Variants in RXRA observed in about 807,000 individuals in gnomAD.
The protein encoded by RXRA is retinoid X receptor alpha.
Under a neutral mutation model 44.5 loss-of-function variants are expected in RXRA, and 5 were observed. The observed-to-expected ratio is 0.11, with a 90% CI of 0.06 to 0.24. The LOEUF is 0.24. Ranked by LOEUF, RXRA falls within the 10% of genes least tolerant of loss-of-function variation. The probability of loss-of-function intolerance (pLI) is 1.00; values close to 1 mark genes in which losing one functional copy is unlikely to be tolerated. For missense variants in RXRA, 412 were observed against 646.5 expected (o/e 0.64, Z 3.93); for synonymous variants, 291 against 271.4 (o/e 1.07, Z -0.71).
intron 1 of RXRA, among the ~76,000 whole-genome samples, chr9:134,381,615 A>G (rs1419765533): frequency 1.3e-5 from 2 of 152,046 alleles, no homozygotes; most frequent in Non-Finnish European, 2.9e-5. Context: ...CTCCATGGCC[A>G]CAAGGCCCCT....
intron 4 of RXRA, among the ~76,000 whole-genome samples, chr9:134,413,532 A>C (rs750585524): frequency 3.3e-5 from 5 of 151,990 alleles, no homozygotes; most frequent in Non-Finnish European, 5.9e-5. Flanking sequence ...CCCCACCCTT[A>C]AGAGGAGGCC....
chr9:134,376,139 C>T (rs956035542), intron 1 of RXRA, among the ~76,000 whole-genome samples: 11 of 152,196 alleles, frequency 7.2e-5, no homozygotes, highest in Non-Finnish European at 1.3e-4. Flanking sequence ...ACCCTCCCAC[C>T]GGCCCCGCTG....
In RXRA at chr9:134,422,496, C is replaced by A. The variant is rs915253194; in HGVS notation, c.910+691C>A. ...CTGCTACCGGGACACTCCCCCCTCC[C>A]AGGACACTCCCCTCTCCCGGGACAC... is the stretch of plus-strand genomic sequence containing the variant. On this transcript the variant is annotated intron_variant, in intron 6 of 9. Coordinates refer to ENST00000481739, the MANE Select transcript of RXRA (RefSeq NM_002957.6). 5.8e-6 allele frequency: 7 copies of A among 1,214,564 alleles called. No homozygotes were observed. The African/African-American group carries it at 1.1e-4, about 19-fold the overall frequency. 75.2% of individuals were successfully genotyped at this position (1,214,564 alleles called of 1,614,324 possible).
rs1275079555 is a variant in RXRA at position 134,343,083 on chromosome 9, G to A, written c.28+16424G>A. Among the ~76,000 whole-genome samples the A allele has an allele frequency of 6.6e-6, 1 of 152,216 alleles. No individual in the cohort carries two copies. The highest frequency in any genetic ancestry group is 1.5e-5 in the Non-Finnish European group (1 of 68,026). On this transcript the variant is annotated intron_variant, in intron 1 of 9. Coordinates refer to ENST00000481739, the MANE Select transcript of RXRA (RefSeq NM_002957.6). This position sits in a 1 kb window ranked among gnomAD's most constrained non-coding sequence, Gnocchi z 4.1. ...GAGGTGTCTTGGACCCAGAGCATTT[G>A]GCCTTGGGAGGTGGGGAGGGGGTTC... is the stretch of plus-strand genomic sequence containing the variant.
intron 1 of RXRA, among the ~76,000 whole-genome samples, chr9:134,337,339 C>T (rs567436196): frequency 6.6e-6 from 1 of 152,022 alleles, no homozygotes; most frequent in East Asian, 1.9e-4. Context: ...CGTCCATCCA[C>T]ATCCATCAGG....
chr9:134,390,982 G>A (rs1174672155), intron 1 of RXRA, among the ~76,000 whole-genome samples: 1 of 152,186 alleles, frequency 6.6e-6, no homozygotes, highest in Non-Finnish European at 1.5e-5. Context: ...TGGGTGCTGA[G>A]CAGGTGCTCT....
chr9:134,423,093 C>A, intron 6 of RXRA: 3 of 985,442 alleles, frequency 3.0e-6, no homozygotes, highest in Non-Finnish European at 3.6e-6. Context: ...TGGGGCAGGC[C>A]CCCCGCAAAG....
chr9:134,408,446 C>T, intron 3 of RXRA, 147 bp downstream of exon 3: 2 of 803,266 alleles, frequency 2.5e-6, no homozygotes. Context: ...CCATGCCCCA[C>T]TCCCAGGGCT....
chr9:134,431,404 C>T (rs1588309886), intron 7 of RXRA, among the ~76,000 whole-genome samples: 1 of 152,182 alleles, frequency 6.6e-6, no homozygotes, highest in African/African-American at 2.4e-5. Flanking sequence ...CCTCTGGCAG[C>T]CCCCACCCAG....
intron 5 of RXRA, among the ~76,000 whole-genome samples, chr9:134,420,562 C>G (rs979731619): frequency 6.6e-6 from 1 of 152,248 alleles, no homozygotes; most frequent in African/African-American, 2.4e-5. Flanking sequence ...CCCTCAGAGG[C>G]CTTTCCCGCC....
chr9:134,436,300 C>T (rs1831619455), intron 9 of RXRA, among the ~76,000 whole-genome samples, 167 bp from the exon 10 acceptor site: 1 of 152,244 alleles, frequency 6.6e-6, no homozygotes, highest in African/African-American at 2.4e-5. Flanking sequence ...TCCTTCTAGC[C>T]TCCCCTCCTT....
At chr9:134,370,748 TGTGGCGGCGCCG>T (rs1490967676) in intron 1 of RXRA, among the ~76,000 whole-genome samples, 1 of 151,862 alleles carries the variant, frequency 6.6e-6, no homozygotes, top group Non-Finnish European at 1.5e-5. Flanking sequence ...CAGTTCGCTG[TGTGGCGGCGCCG>T]GGTGGGCCTT....
At chr9:134,355,696 G>C (rs1050808267) in intron 1 of RXRA, among the ~76,000 whole-genome samples, 25 of 152,094 alleles carry the variant, frequency 1.6e-4, no homozygotes, top group African/African-American at 5.6e-4. Context: ...CCCGCTGGGT[G>C]GGGGAGGTCC....
At chr9:134,332,902 G>T (rs1483814265) in intron 1 of RXRA, among the ~76,000 whole-genome samples, 1 of 152,120 alleles carries the variant, frequency 6.6e-6, no homozygotes, top group Admixed American at 6.5e-5. Flanking sequence ...GCCTGGGAAG[G>T]GGGGAGGATT....
intron 6 of RXRA, chr9:134,422,120 CGGGACACTCCCCA>C: frequency 7.5e-7 from 1 of 1,327,286 alleles, no homozygotes; most frequent in Non-Finnish European, 9.9e-7. Context: ...TTCTACCTCC[CGGGACACTCCCCA>C]CTCCTGGGAC....
chr9:134,344,295 A>G (rs538889694), intron 1 of RXRA, among the ~76,000 whole-genome samples: 14 of 152,118 alleles, frequency 9.2e-5, no homozygotes, highest in African/African-American at 3.4e-4. Flanking sequence ...AGGAGTGGGT[A>G]GGGGGCTGGC....
At chr9:134,350,364 C>A (rs1830206690) in intron 1 of RXRA, among the ~76,000 whole-genome samples, 1 of 152,182 alleles carries the variant, frequency 6.6e-6, no homozygotes, top group Non-Finnish European at 1.5e-5. Context: ...GCCTCAGTTT[C>A]CTTTTCTGTA....
rs146295223 is a variant in RXRA, at chr9:134,417,195, C to A, written c.648C>A (p.Asn216Lys). Residue 216 changes from asparagine (N) to lysine (K), a missense_variant, in exon 5 of 10, where the codon AAC becomes AAA. Coordinates refer to ENST00000481739, the MANE Select transcript of RXRA (RefSeq NM_002957.6). This position sits in a 1 kb window ranked among gnomAD's most constrained non-coding sequence, Gnocchi z 6.1. ...QEERQRGKDRNENEVESTSSA... is the reference protein window; with the variant it reads ...QEERQRGKDRKENEVESTSSA... Reference sequence around the variant, plus strand: ...AGCGGCAGCGTGGCAAGGACCGGAACGAGAATGAGGTGGAGTCGACCAGCA... The same window carrying A: ...AGCGGCAGCGTGGCAAGGACCGGAAAGAGAATGAGGTGGAGTCGACCAGCA... 46 of 1,613,186 alleles carry A rather than the reference C, an allele frequency of 2.9e-5. No individual in the cohort carries two copies. Among genetic ancestry groups the A allele is most frequent in the African/African-American group, 8.0e-5 (6 of 74,916 alleles).
chr9:134,344,323 A>G (rs1830122676), intron 1 of RXRA, among the ~76,000 whole-genome samples: 2 of 152,150 alleles, frequency 1.3e-5, no homozygotes, highest in Admixed American at 6.5e-5. Context: ...CTTGGGGTCT[A>G]TCTAGCCTGG....
Sources: allele counts gnomAD v4.1 joint callset (sites outside exome capture counted in the v4.1 genomes callset), GRCh38; gene constraint gnomAD v4.1.1; non-coding constraint Gnocchi (gnomAD v3.1); transcripts MANE v1.5; gene names NCBI Gene and HGNC (gene_info 2026-07-23, HGNC 2026-07-21).